MARCHF1: variants seen among roughly 807,000 people sequenced by gnomAD.
The protein encoded by MARCHF1 is membrane associated ring-CH-type finger 1.
A neutral mutation model predicts 54.2 loss-of-function variants in MARCHF1; 40 were observed. That is an observed-to-expected ratio of 0.74 (90% CI 0.57 to 0.96). The LOEUF (loss-of-function observed/expected upper bound fraction) is 0.96. MARCHF1 is among the 40% of genes least tolerant of loss of function. MARCHF1 has a pLI of 0.00. For missense variants in MARCHF1, 586 were observed against 656.5 expected, an observed-to-expected ratio of 0.89 and a Z score of 1.17; for synonymous variants, 236 against 236.3, an observed-to-expected ratio of 1.00 and a Z score of 0.01.
intron 4 of MARCHF1, among the ~76,000 whole-genome samples, chr4:163,840,088 A>C (rs1749296480): frequency 6.6e-6 from 1 of 152,178 alleles, no homozygotes; most frequent in Non-Finnish European, 1.5e-5. Flanking sequence ...ATGCTAATAA[A>C]TTTGACAATC....
intron 1 of MARCHF1, among the ~76,000 whole-genome samples, chr4:164,135,740 T>A (rs76310953): frequency 0.01 from 1,586 of 152,352 alleles, 25 homozygotes; most frequent in African/African-American, 0.036. Context: ...AGTTACTTAA[T>A]GCATAACTGC....
At chr4:164,146,044 C>A in intron 1 of MARCHF1, among the ~76,000 whole-genome samples, 1 of 70,646 alleles carries the variant, frequency 1.4e-5, no homozygotes, top group Admixed American at 1.7e-4. Flanking sequence ...AAACAGAGAG[C>A]CAAATCATGA....
chr4:164,233,197 C>T (rs1732461362), intron 1 of MARCHF1, among the ~76,000 whole-genome samples: 1 of 152,034 alleles, frequency 6.6e-6, no homozygotes, highest in Admixed American at 6.6e-5. Flanking sequence ...TCTCTTAACT[C>T]TTACTTTGTA....
intron 5 of MARCHF1, among the ~76,000 whole-genome samples, chr4:163,661,957 T>C (rs1239985661): frequency 3.3e-5 from 5 of 152,146 alleles, no homozygotes; most frequent in Admixed American, 3.3e-4. Context: ...AATTCTGGAT[T>C]GGAAATAACT....
At chr4:163,904,821 G>A (rs889591186) in intron 3 of MARCHF1, among the ~76,000 whole-genome samples, 7 of 136,766 alleles carry the variant, frequency 5.1e-5, no homozygotes, top group Non-Finnish European at 1.0e-4. Flanking sequence ...GAGAGAGAAT[G>A]AATGTGTTTG....
chr4:163,931,101 C>T (rs1164453465), intron 3 of MARCHF1, among the ~76,000 whole-genome samples: 1 of 152,098 alleles, frequency 6.6e-6, no homozygotes, highest in African/African-American at 2.4e-5. Context: ...TGTCTCACTA[C>T]TTGAGGACAC....
At chr4:164,144,060 A>C (rs1729588631) in intron 1 of MARCHF1, among the ~76,000 whole-genome samples, 1 of 152,214 alleles carries the variant, frequency 6.6e-6, no homozygotes, top group African/African-American at 2.4e-5. Context: ...AACAAAGATC[A>C]AAAGAGACAA....
intron 5 of MARCHF1, among the ~76,000 whole-genome samples, chr4:163,699,356 T>G (rs558985143): frequency 1.4e-4 from 21 of 152,314 alleles, no homozygotes; most frequent in Admixed American, 1.3e-3. Context: ...TGCTTACTCT[T>G]ATTAAAATAT....
Position 164,197,009 on chromosome 4 carries a change from A to G in MARCHF1, c.-322-85347T>C, listed in dbSNP as rs114105007. The G allele has an allele frequency of 5.0e-5, 80 of 1,604,536 alleles. 1 individual carries two copies. The East Asian group carries it at 1.2e-3, about 25-fold the overall frequency. ...TCTTCTCCCTCATCTTCAGGTTCTC[A>G]TTTTCGCTTCTGACCCCTTTCTTCT... is the stretch of plus-strand genomic sequence containing the variant. On this transcript the variant is annotated intron_variant, in intron 1 of 9. Transcript: ENST00000514618.
chr4:163,818,988 A>G (rs1748619274), intron 4 of MARCHF1, among the ~76,000 whole-genome samples: 1 of 152,000 alleles, frequency 6.6e-6, no homozygotes, highest in Non-Finnish European at 1.5e-5. Flanking sequence ...TTCTAACCCA[A>G]ACCATGCTAT....
At chr4:163,545,947 ATGTGTGTGTGTGTGTGTGTG>A (rs70948653) in intron 8 of MARCHF1, among the ~76,000 whole-genome samples, 32 of 149,050 alleles carry the variant, frequency 2.1e-4, no homozygotes, top group African/African-American at 7.7e-4. Context: ...TTAAATACAT[ATGTGTGTGTGTGTGTGTGTG>A]TGTGTGTGTG....
intron 1 of MARCHF1, chr4:164,197,681 G>C: frequency 6.2e-7 from 1 of 1,612,506 alleles, no homozygotes; most frequent in Non-Finnish European, 8.5e-7. Context: ...CTGTTCCGCA[G>C]CTCTGAATGA....
chr4:163,597,954 G>A (rs1740828909), intron 7 of MARCHF1, among the ~76,000 whole-genome samples: 1 of 152,148 alleles, frequency 6.6e-6, no homozygotes, highest in Non-Finnish European at 1.5e-5. Context: ...CTTAGTCATT[G>A]CAAGGACAGA....
chr4:164,109,474 A>G (rs1755783666), intron 2 of MARCHF1, among the ~76,000 whole-genome samples: 1 of 152,042 alleles, frequency 6.6e-6, no homozygotes, highest in Admixed American at 6.6e-5. Flanking sequence ...CATATACAGT[A>G]CATGAAGAAG....
intron 1 of MARCHF1, among the ~76,000 whole-genome samples, chr4:164,175,843 T>G (rs904634916): frequency 2.0e-5 from 3 of 152,146 alleles, no homozygotes; most frequent in African/African-American, 7.2e-5. Flanking sequence ...TCTCTCTCTT[T>G]CATCCCCCCA....
At chr4:164,061,542 GA>G (rs1376873351) in intron 2 of MARCHF1, among the ~76,000 whole-genome samples, 1 of 43,524 alleles carries the variant, frequency 2.3e-5, no homozygotes, top group East Asian at 5.6e-4. Flanking sequence ...GGGGTGGGGG[GA>G]GGGGGGAGGG....
At chr4:163,747,548 A>G (rs1579252803) in intron 4 of MARCHF1, among the ~76,000 whole-genome samples, 2 of 152,380 alleles carry the variant, frequency 1.3e-5, no homozygotes, top group African/African-American at 2.4e-5. Flanking sequence ...TATGCTCAAA[A>G]TGTTTAATAA....
At chr4:163,585,660 G>A (rs1453690222) in intron 8 of MARCHF1, 89 bp downstream of exon 8, 7 of 1,056,272 alleles carry the variant, frequency 6.6e-6, no homozygotes, top group South Asian at 5.5e-5. Flanking sequence ...AGCATATTAG[G>A]AGAATCGTAT....
At chr4:163,621,496 AT>A (rs568478346) in intron 5 of MARCHF1, among the ~76,000 whole-genome samples, 28 of 152,014 alleles carry the variant, frequency 1.8e-4, no homozygotes, top group Non-Finnish European at 3.1e-4. Flanking sequence ...TTTGTATTAG[AT>A]TTTTTTCTGA....
Sources: gnomAD v4.1 joint callset for allele counts (sites outside exome capture counted in the v4.1 genomes callset) on GRCh38, gnomAD v4.1.1 for gene constraint, MANE v1.5 for transcripts, NCBI Gene and HGNC (gene_info 2026-07-23, HGNC 2026-07-21) for gene names.